FBF1: variants seen among roughly 807,000 people sequenced by gnomAD.
FBF1 encodes the protein fas-binding factor 1.
A neutral mutation model predicts 147.2 loss-of-function variants in FBF1; 119 were observed. The ratio of observed to expected loss-of-function variants is 0.81; its 90% confidence interval spans 0.70 to 0.94. The LOEUF (loss-of-function observed/expected upper bound fraction) is 0.94. Ranked by LOEUF, FBF1 falls within the 40% of genes least tolerant of loss-of-function variation. The pLI is 0.00. For missense variants in FBF1, 1,449 were observed against 1,500.8 expected (o/e 0.97, Z 0.57); for synonymous variants, 601 against 609.0 (o/e 0.99, Z 0.19).
intron 6 of FBF1, 37 bp downstream of exon 6, chr17:75,931,192 G>A: frequency 6.4e-7 from 1 of 1,557,534 alleles, no homozygotes; most frequent in South Asian, 1.2e-5. Flanking sequence ...TGTTTCTGGG[G>A]ATAAGTAGGG....
rs901308861 is a variant in FBF1, at chr17:75,927,697, G to A, written c.398-165C>T. Reference sequence around the variant, plus strand: ...AGGGAGGAGTCTCCAGTTCTGCCATGGGCTTCTGGCAGGGAAACGAGGTAG... The same window carrying A: ...AGGGAGGAGTCTCCAGTTCTGCCATAGGCTTCTGGCAGGGAAACGAGGTAG... On this transcript the variant is annotated intron_variant, in intron 8 of 29. Coordinates refer to ENST00000636174, the MANE Select transcript of FBF1 (RefSeq NM_001319193.2). 3.9e-5 allele frequency among the ~76,000 whole-genome samples: 6 copies of A among 152,310 alleles called. No individual in the cohort carries two copies. In the South Asian group the frequency reaches 6.2e-4, roughly 16 times the overall value.
rs1165220602 is a variant in FBF1, at chr17:75,919,979, G to A, written c.1931+28C>T. On this transcript the variant is annotated intron_variant, in intron 19 of 29. Coordinates refer to ENST00000636174, the MANE Select transcript of FBF1 (RefSeq NM_001319193.2). The surrounding 1 kb of genome is among the most constrained non-coding windows in gnomAD (Gnocchi z 5.0). Reference sequence around the variant, plus strand: ...CCTTTGGGGTCAGTGTGAGATCCAAGGCAGAGCTGGGGCCAGCGCCAGGGT... The same window carrying A: ...CCTTTGGGGTCAGTGTGAGATCCAAAGCAGAGCTGGGGCCAGCGCCAGGGT... The A allele has an allele frequency of 6.2e-7, 1 of 1,609,892 alleles. No homozygotes were observed. Among genetic ancestry groups the A allele is most frequent in the Non-Finnish European group, 8.5e-7 (1 of 1,177,588 alleles).
At position 75,918,019 on chromosome 17, in the gene FBF1, G is replaced by A. The variant is rs201706970; in HGVS notation, c.2298C>T (p.His766=). ...AGGCCTCCACGCGGGAGGACAACTC[G>A]TGCAGGCTGCTGGAGAACTTCTCCA... ...HQMEKFSSSL[H]ELSSRVEASH... is the part of the protein sequence containing the mutation. Residue 766 remains histidine (H), a synonymous_variant, in exon 22 of 30, where the codon CAC becomes CAT. Coordinates refer to ENST00000636174, the MANE Select transcript of FBF1 (RefSeq NM_001319193.2). This position sits in a 1 kb window ranked among gnomAD's most constrained non-coding sequence, Gnocchi z 5.8. The A allele has an allele frequency of 1.3e-4, 212 of 1,612,466 alleles. No homozygotes were observed. In the African/African-American group the frequency reaches 2.5e-3, roughly 19 times the overall value.
Position 75,925,547 on chromosome 17 carries a change from G to A in FBF1, c.869-101C>T. 1 of 1,025,640 alleles carries A rather than the reference G, an allele frequency of 9.8e-7. No individual in the cohort carries two copies. Among genetic ancestry groups the A allele is most frequent in the Non-Finnish European group, 1.4e-6 (1 of 691,044 alleles). The allele number at this position is 1,025,640 out of a possible 1,614,324, so 63.5% of individuals were successfully genotyped here. ...AAAGCTGAATTTGGTAGCTTGTTGT[G>A]TAAGACAAGCAGAGGGAAGCTGCTG... is the stretch of plus-strand genomic sequence containing the variant. On this transcript the variant is annotated intron_variant, in intron 12 of 29. Transcript: ENST00000636174. The surrounding 1 kb of genome is among the most constrained non-coding windows in gnomAD (Gnocchi z 5.0).
At chr17:75,934,555 C>CAA (rs974439444) in intron 4 of FBF1, among the ~76,000 whole-genome samples, 102 of 84,346 alleles carry the variant, frequency 1.2e-3, no homozygotes, top group South Asian at 3.4e-3. Flanking sequence ...GACTCTGTCT[C>CAA]AAAAAAAAAA....
chr17:75,929,945 ACCCCACCCCACCCAC>A, intron 7 of FBF1, 37 bp downstream of exon 7: 1 of 650,912 alleles, frequency 1.5e-6, no homozygotes, highest in Non-Finnish European at 2.8e-6. Context: ...AAATATCATG[ACCCCACCCCACCCAC>A]CCCCAGTTCT....
At position 75,921,803 on chromosome 17, in the gene FBF1, C is replaced by T. The variant is rs1469170644; in HGVS notation, c.1526+142G>A. On this transcript the variant is annotated intron_variant, in intron 15 of 29. Transcript: ENST00000636174. ...GCAGCCTCTGTGTAGGGCACAGGGA[C>T]GGAGCAGGGTGGGCAGCCTCTGTGT... 1.2e-4 allele frequency: 87 copies of T among 717,460 alleles called. 1 individual carries two copies. Among genetic ancestry groups the T allele is most frequent in the African/African-American group, 1.0e-3 (53 of 50,902 alleles). The allele number at this position is 717,460 out of a possible 1,614,324, so 44.4% of individuals were successfully genotyped here.
chr17:75,930,952 A>G (rs993173116), intron 6 of FBF1, among the ~76,000 whole-genome samples: 5 of 152,008 alleles, frequency 3.3e-5, no homozygotes, highest in Non-Finnish European at 7.4e-5. Flanking sequence ...AAAATTAGCC[A>G]GTCATGGTGG....
chr17:75,918,289 G>A lies in FBF1; in HGVS notation c.2139-20C>T, dbSNP rs2065502242. 1 of 1,602,922 alleles carries A rather than the reference G, an allele frequency of 6.2e-7. No individual in the cohort carries two copies. The highest frequency in any genetic ancestry group is 1.3e-5 in the African/African-American group (1 of 74,882). On this transcript the variant is annotated intron_variant, in intron 20 of 29. Transcript: ENST00000636174. This position sits in a 1 kb window ranked among gnomAD's most constrained non-coding sequence, Gnocchi z 5.8. ...GACGCCCTGAGGGGAGGCGGGAGGGGAAGGCGGTCACTCTGAGCTGGATCA... is the reference window on the plus strand; with the variant it reads ...GACGCCCTGAGGGGAGGCGGGAGGGAAAGGCGGTCACTCTGAGCTGGATCA...
At chr17:75,929,963 C>CA in intron 7 of FBF1, 34 bp downstream of exon 7, 1 of 1,393,456 alleles carries the variant, frequency 7.2e-7, no homozygotes, top group Non-Finnish European at 9.9e-7. Flanking sequence ...CCACCCACCC[C>CA]CAGTTCTAAG....
intron 28 of FBF1, chr17:75,913,438 A>T: frequency 2.7e-6 from 1 of 370,128 alleles, no homozygotes; most frequent in Non-Finnish European, 4.8e-6. Context: ...GTGAGCCACC[A>T]CGCCCAGCCT....
At chr17:75,929,561 T>C (rs1183366216) in intron 7 of FBF1, among the ~76,000 whole-genome samples, 6 of 152,176 alleles carry the variant, frequency 3.9e-5, no homozygotes, top group African/African-American at 1.4e-4. Flanking sequence ...AATCTGTGCC[T>C]TAAAAATCCA....
Position 75,909,603 on chromosome 17 carries a change from C to A in FBF1, c.*1120G>T. The A allele has an allele frequency of 1.9e-6, 1 of 513,596 alleles. No individual in the cohort carries two copies. Among genetic ancestry groups the A allele is most frequent in the South Asian group, 3.5e-5 (1 of 28,504 alleles). The allele number at this position is 513,596 out of a possible 1,614,324, so 31.8% of individuals were successfully genotyped here. A position where few individuals can be genotyped will look rare whatever the true frequency, so the allele number is the denominator to read the frequency against. On this transcript the variant is annotated 3_prime_UTR_variant, in exon 30 of 30. Coordinates refer to ENST00000636174, the MANE Select transcript of FBF1 (RefSeq NM_001319193.2). ...ATTTCAGGCAGGTTATTTAATCTCC[C>A]CGGGCCTCAGTTTCTGCATGTTTGA... is the stretch of plus-strand genomic sequence containing the variant.
intron 10 of FBF1, 149 bp from the exon 11 acceptor site, chr17:75,926,575 G>A (rs2065563245): frequency 7.4e-7 from 1 of 1,358,984 alleles, no homozygotes; most frequent in Non-Finnish European, 9.8e-7. Flanking sequence ...AATTCCTCCA[G>A]CCTACTCCCA....
rs368561008 is a variant in FBF1, at chr17:75,923,207, G to A, written c.1403C>T (p.Ala468Val). 1.7e-5 allele frequency: 27 copies of A among 1,587,460 alleles called. No individual in the cohort carries two copies. Among genetic ancestry groups the A allele is most frequent in the Middle Eastern group, 1.8e-4 (1 of 5,684 alleles). ...GTACCTGCCAGAAGGGGGATGGCCC[G>A]CTGTCCCCGCCAAATGCAGGCCCTC... ...TSEGLHLAGT[A>V]GHPPSGSQPL... Residue 468 changes from alanine (A) to valine (V), a missense_variant, in exon 14 of 30, where the codon GCG (alanine) becomes GTG (valine). Transcript: ENST00000636174. The surrounding 1 kb of genome is among the most constrained non-coding windows in gnomAD (Gnocchi z 4.1).
Position 75,928,271 on chromosome 17 carries a change from T to C in FBF1, c.280-78A>G, listed in dbSNP as rs1378771194. 9.1e-7 allele frequency: 1 copy of C among 1,104,552 alleles called. No homozygotes were observed. The highest frequency in any genetic ancestry group is 1.4e-6 in the Non-Finnish European group (1 of 731,014). The allele number at this position is 1,104,552 out of a possible 1,614,324, so 68.4% of individuals were successfully genotyped here. A position where few individuals can be genotyped will look rare whatever the true frequency, so the allele number is the denominator to read the frequency against. On this transcript the variant is annotated intron_variant, in intron 7 of 29. Transcript: ENST00000636174. This position sits in a 1 kb window ranked among gnomAD's most constrained non-coding sequence, Gnocchi z 4.2. ...ACTTCCACCTGAGAGAGATGGGCTGTTGGCACCCCAGGTGTAGAATTGTGA... is the reference window on the plus strand; with the variant it reads ...ACTTCCACCTGAGAGAGATGGGCTGCTGGCACCCCAGGTGTAGAATTGTGA...
In FBF1 at chr17:75,915,063, G is replaced by C. The variant is rs1446644035; in HGVS notation, c.2582C>G (p.Thr861Arg). ...QRALEEQRKV[T>R]AQQMAMERAE... ...CCTTTCCATGGCCATCTGCTGGGCC[G>C]TGACCTTCCTTTGCTCCTCTAGGGC... Residue 861 changes from threonine to arginine, a missense_variant, in exon 24 of 30, where the codon ACG becomes AGG. Thr to Arg is a moderately conservative substitution (Grantham distance 71). Transcript: ENST00000636174. 6.2e-7 allele frequency: 1 copy of C among 1,613,488 alleles called. No individual in the cohort carries two copies.
chr17:75,933,107 G>T lies in FBF1; in HGVS notation c.74-19C>A. ...AGTGTCACTGGAAAAAAAGAAAAGAGAAAACGTGTCATTTAACTAAAGGTA... is the reference window on the plus strand; with the variant it reads ...AGTGTCACTGGAAAAAAAGAAAAGATAAAACGTGTCATTTAACTAAAGGTA... On this transcript the variant is annotated intron_variant, in intron 4 of 29. Transcript: ENST00000636174. 1 of 1,579,798 alleles carries T rather than the reference G, an allele frequency of 6.3e-7. No individual in the cohort carries two copies. Among genetic ancestry groups the T allele is most frequent in the South Asian group, 1.1e-5 (1 of 88,616 alleles).
In FBF1 at chr17:75,925,517, T is replaced by G; in HGVS notation, c.869-71A>C. 7.5e-7 allele frequency: 1 copy of G among 1,325,950 alleles called. No homozygotes were observed. The highest frequency in any genetic ancestry group is 1.1e-6 in the Non-Finnish European group (1 of 949,764). The allele number at this position is 1,325,950 out of a possible 1,614,324, so 82.1% of individuals were successfully genotyped here. Reference sequence around the variant, plus strand: ...AAGCTCATTTGCGGCTGCAAAATTCTAACAAAAGCTGAATTTGGTAGCTTG... The same window carrying G: ...AAGCTCATTTGCGGCTGCAAAATTCGAACAAAAGCTGAATTTGGTAGCTTG... On this transcript the variant is annotated intron_variant, in intron 12 of 29. Coordinates refer to ENST00000636174, the MANE Select transcript of FBF1 (RefSeq NM_001319193.2). This position sits in a 1 kb window ranked among gnomAD's most constrained non-coding sequence, Gnocchi z 5.0.
Sources: gnomAD v4.1 joint callset for allele counts (sites outside exome capture counted in the v4.1 genomes callset) on GRCh38, gnomAD v4.1.1 for gene constraint, Gnocchi (gnomAD v3.1) non-coding constraint, MANE v1.5 for transcripts, NCBI Gene and HGNC (gene_info 2026-07-23, HGNC 2026-07-21) for gene names.